ST7L: variants seen among roughly 807,000 people sequenced by gnomAD.
ST7L encodes suppressor of tumorigenicity 7 protein-like.
A neutral mutation model predicts 72.5 loss-of-function variants in ST7L; 57 were observed. The ratio of observed to expected loss-of-function variants is 0.79; its 90% confidence interval spans 0.64 to 0.98. The LOEUF (loss-of-function observed/expected upper bound fraction) is 0.98. ST7L is among the 50% of genes least tolerant of loss of function. The probability of loss-of-function intolerance (pLI) is 0.00; values close to 1 mark genes in which losing one functional copy is unlikely to be tolerated. For synonymous variants in ST7L, 221 were observed against 240.9 expected (o/e 0.92, Z 0.77); for missense variants, 576 against 672.2 (o/e 0.86, Z 1.58).
chr1:112,587,539 G>T (rs926920523), intron 6 of ST7L, among the ~76,000 whole-genome samples: 5 of 152,196 alleles, frequency 3.3e-5, no homozygotes, highest in Admixed American at 2.6e-4. Flanking sequence ...GGAGGTGGAG[G>T]TTGCAGTGAG....
At chr1:112,581,183 A>G (rs1047043589) in intron 9 of ST7L, among the ~76,000 whole-genome samples, 5 of 152,198 alleles carry the variant, frequency 3.3e-5, no homozygotes, top group Non-Finnish European at 5.9e-5. Context: ...TAAAAATGTT[A>G]TTCTGAATTG....
chr1:112,556,985 C>CAAAAAAAAAAAAAAAAA lies in ST7L; in HGVS notation c.1246-968_1246-967insTTTTTTTTTTTTTTTTT, dbSNP rs1196828305. ...CTGTCTCAAAAAAAAAAAAAAAAAA[C>CAAAAAAAAAAAAAAAAA]AAAAAAAAAAAAACACAAAGAAAAG... On this transcript the variant is annotated intron_variant, in intron 11 of 14. Transcript: ENST00000358039. Among the ~76,000 whole-genome samples the CAAAAAAAAAAAAAAAAA allele has an allele frequency of 1.5e-4, 12 of 82,126 alleles. 1 individual carries two copies. The highest frequency in any genetic ancestry group is 2.1e-4 in the Non-Finnish European group (9 of 43,252). 53.9% of individuals were successfully genotyped at this position (82,126 alleles called of 152,430 possible). A position where few individuals can be genotyped will look rare whatever the true frequency, so the allele number is the denominator to read the frequency against.
intron 3 of ST7L, among the ~76,000 whole-genome samples, chr1:112,601,534 C>T (rs1284343022): frequency 2.0e-5 from 3 of 151,870 alleles, no homozygotes; most frequent in East Asian, 1.9e-4. Flanking sequence ...TGTGAGCCAC[C>T]GCGCCTGGCC....
intron 11 of ST7L, among the ~76,000 whole-genome samples, chr1:112,558,391 CA>C (rs1659538551): frequency 6.6e-6 from 1 of 152,098 alleles, no homozygotes; most frequent in Non-Finnish European, 1.5e-5. Context: ...CTCTTAAAAA[CA>C]AAAAGCTGTA....
At chr1:112,600,689 T>C in intron 4 of ST7L, 105 bp downstream of exon 4, 3 of 937,498 alleles carry the variant, frequency 3.2e-6, no homozygotes, top group Non-Finnish European at 5.0e-6. Flanking sequence ...TAGACCAGTA[T>C]CTTCTACTAG....
chr1:112,559,435 T>C (rs1659729248), intron 11 of ST7L, among the ~76,000 whole-genome samples: 1 of 151,782 alleles, frequency 6.6e-6, no homozygotes, highest in Admixed American at 6.6e-5. Context: ...GGTTTCACTA[T>C]GTTGGCCAGG....
In ST7L at chr1:112,559,540, T is replaced by A. The variant is rs570529854; in HGVS notation, c.1246-3522A>T. Among the ~76,000 whole-genome samples, 13 of 152,030 alleles carry A rather than the reference T, an allele frequency of 8.6e-5. No homozygotes were observed. The East Asian group carries it at 2.3e-3, about 27-fold the overall frequency. On this transcript the variant is annotated intron_variant, in intron 11 of 14. Transcript: ENST00000358039. Reference sequence around the variant, plus strand: ...AGCCACCACGCCTGGCAAAAAAAAATACTTTTTTAAACAGCAACTATATAC... The same window carrying A: ...AGCCACCACGCCTGGCAAAAAAAAAAACTTTTTTAAACAGCAACTATATAC...
Position 112,524,081 on chromosome 1 carries a change from A to G in ST7L, c.*1932T>C, listed in dbSNP as rs965763369. The G allele has an allele frequency of 6.6e-6, 1 of 152,190 alleles. No individual in the cohort carries two copies. Among genetic ancestry groups the G allele is most frequent in the Non-Finnish European group, 1.5e-5 (1 of 67,976 alleles). The allele number at this position is 152,190 out of a possible 1,614,324, so 9.4% of individuals were successfully genotyped here. Reference sequence around the variant, plus strand: ...GTTTGCAAAACTTCTTGTAGATCTAATTTCTGAACACTCACTGCTTCATTT... The same window carrying G: ...GTTTGCAAAACTTCTTGTAGATCTAGTTTCTGAACACTCACTGCTTCATTT... On this transcript the variant is annotated 3_prime_UTR_variant, in exon 15 of 15. Coordinates refer to ENST00000358039, the MANE Select transcript of ST7L (RefSeq NM_017744.5).
At chr1:112,602,264 G>A (rs1049519922) in intron 3 of ST7L, among the ~76,000 whole-genome samples, 1 of 152,094 alleles carries the variant, frequency 6.6e-6, no homozygotes, top group Non-Finnish European at 1.5e-5. Context: ...ATGATTCATG[G>A]AACTGCAAAG....
Position 112,523,864 on chromosome 1 carries a change from AAAGT to A in ST7L, c.*2145_*2148del, listed in dbSNP as rs1292102163. 2 of 152,122 alleles carry A rather than the reference AAAGT, an allele frequency of 1.3e-5. No homozygotes were observed. Among genetic ancestry groups the A allele is most frequent in the African/African-American group, 4.8e-5 (2 of 41,426 alleles). The allele number at this position is 152,122 out of a possible 1,614,324, so 9.4% of individuals were successfully genotyped here. On this transcript the variant is annotated 3_prime_UTR_variant, in exon 15 of 15. Transcript: ENST00000358039. ...GCCTGTAGCCAGTTTTTTTAATGTA[AAAGT>A]AAGAATGCCAGCCTTAACCTAGCCC...
At chr1:112,586,587 A>G (rs148125981) in intron 6 of ST7L, among the ~76,000 whole-genome samples, 1,717 of 152,330 alleles carry the variant, frequency 0.011, 14 homozygotes, top group Non-Finnish European at 0.018. Flanking sequence ...TTATATGCTT[A>G]TATTTTGAAT....
intron 14 of ST7L, chr1:112,539,087 G>T (rs1006309859): frequency 6.6e-6 from 1 of 152,304 alleles, no homozygotes; most frequent in African/African-American, 2.4e-5. Flanking sequence ...CTATCGAGCT[G>T]TTCTAAATTC....
intron 11 of ST7L, among the ~76,000 whole-genome samples, chr1:112,564,550 G>C (rs1660652758): frequency 2.0e-5 from 3 of 152,240 alleles, no homozygotes; most frequent in African/African-American, 7.2e-5. Flanking sequence ...GCTACTATCA[G>C]CTGGGAGCAG....
chr1:112,604,995 G>A (rs1667987082), intron 3 of ST7L, among the ~76,000 whole-genome samples: 1 of 149,084 alleles, frequency 6.7e-6, no homozygotes, highest in African/African-American at 2.5e-5. Context: ...GCTGAGGCAG[G>A]AGAATCATTT....
At chr1:112,580,799 GC>G (rs1323155371) in intron 9 of ST7L, among the ~76,000 whole-genome samples, 1 of 152,136 alleles carries the variant, frequency 6.6e-6, no homozygotes. Flanking sequence ...ATGGTGGCAG[GC>G]ACCTGTAGAC....
intron 2 of ST7L, among the ~76,000 whole-genome samples, chr1:112,613,977 G>A (rs1417804928): frequency 6.6e-6 from 1 of 152,066 alleles, no homozygotes; most frequent in Non-Finnish European, 1.5e-5. Flanking sequence ...CAATCCTCCT[G>A]CCTCAGCCTC....
chr1:112,614,609 C>T (rs1669573122), intron 2 of ST7L, among the ~76,000 whole-genome samples: 1 of 151,982 alleles, frequency 6.6e-6, no homozygotes, highest in African/African-American at 2.4e-5. Context: ...AGATCCAATA[C>T]AAATGCTATT....
chr1:112,609,841 T>G (rs1668804236), intron 3 of ST7L, among the ~76,000 whole-genome samples: 2 of 151,936 alleles, frequency 1.3e-5, no homozygotes, highest in Admixed American at 6.6e-5. Flanking sequence ...ATAAATAAAT[T>G]TGCGATTACT....
downstream of ST7L, among the ~76,000 whole-genome samples, chr1:112,519,872 C>CTTTTTT (rs71081244): frequency 9.5e-5 from 11 of 115,624 alleles, no homozygotes; most frequent in East Asian, 2.6e-4. Flanking sequence ...GCCCATGCTT[C>CTTTTTT]TTTTTTTTTT....
Sources: gnomAD v4.1 joint callset for allele counts (sites outside exome capture counted in the v4.1 genomes callset) on GRCh38, gnomAD v4.1.1 for gene constraint, MANE v1.5 for transcripts, NCBI Gene and HGNC (gene_info 2026-07-23, HGNC 2026-07-21) for gene names.